The following SULF2 variants were observed in gnomAD, a reference collection of about 807,000 sequenced individuals.
SULF2 encodes the protein sulfatase 2, also known as extracellular sulfatase Sulf-2.
A neutral mutation model predicts 107.7 loss-of-function variants in SULF2; 52 were observed. That is an observed-to-expected ratio of 0.48 (90% CI 0.39 to 0.61). The LOEUF (loss-of-function observed/expected upper bound fraction) is 0.61. SULF2 is among the 20% of genes least tolerant of loss of function. SULF2 has a pLI of 0.00. For missense variants in SULF2, 993 were observed against 1,177.3 expected (o/e 0.84, Z 2.29); for synonymous variants, 460 against 464.3 (o/e 0.99, Z 0.12).
chr20:47,702,742 C>T (rs979588501), intron 3 of SULF2, 72 bp from the exon 4 acceptor site: 19 of 1,501,252 alleles, frequency 1.3e-5, no homozygotes, highest in East Asian at 4.6e-5. Context: ...ATTGTGTGTC[C>T]GAGGCCTGAG....
Position 47,659,429 on chromosome 20 carries a change from G to T in SULF2, c.2552C>A (p.Pro851Gln), listed in dbSNP as rs747395365. 1 of 1,614,064 alleles carries T rather than the reference G, an allele frequency of 6.2e-7. No individual in the cohort carries two copies. The highest frequency in any genetic ancestry group is 8.5e-7 in the Non-Finnish European group (1 of 1,179,982). Residue 851 changes from proline (P) to glutamine (Q), a missense_variant, in exon 20 of 21, where the codon CCA (proline) becomes CAA (glutamine). Physicochemically the swap from Pro to Gln is moderately conservative, Grantham distance 76. Transcript: ENST00000688720. ...QYRQFQRRKW[P>Q]EMKRPSSKSL... ...TTTGGAAGAAGGTCTCTTCATTTCT[G>T]GCCACTTTCGACGCTGAAACTGCCT...
chr20:47,701,553 C>T lies in SULF2; in HGVS notation c.567+966G>A, dbSNP rs561747050. ...ACTCCGAACATGCACACGCCCTGTG[C>T]TCAGCAACGCTGCTGTGAGGAACGG... On this transcript the variant is annotated intron_variant, in intron 4 of 20. Coordinates refer to ENST00000688720, the MANE Select transcript of SULF2 (RefSeq NM_001387048.1). Among the ~76,000 whole-genome samples the T allele has an allele frequency of 2.0e-5, 3 of 152,338 alleles. No individual in the cohort carries two copies. The East Asian group carries it at 5.8e-4, about 29-fold the overall frequency.
chr20:47,763,053 T>C (rs2090450107), intron 1 of SULF2, among the ~76,000 whole-genome samples: 1 of 152,002 alleles, frequency 6.6e-6, no homozygotes, highest in South Asian at 2.1e-4. Context: ...TTCCTTTTTC[T>C]TGGTAAAATA....
At chr20:47,724,914 G>A (rs2089397592) in intron 3 of SULF2, among the ~76,000 whole-genome samples, 3 of 152,084 alleles carry the variant, frequency 2.0e-5, no homozygotes, top group African/African-American at 7.2e-5. Context: ...GAAATTTATA[G>A]GTAACAAAAG....
At chr20:47,704,335 C>T (rs1208107093) in intron 3 of SULF2, among the ~76,000 whole-genome samples, 1 of 151,962 alleles carries the variant, frequency 6.6e-6, no homozygotes, top group Non-Finnish European at 1.5e-5. Context: ...TGTAGTGGCA[C>T]CATCACGGCT....
chr20:47,664,409 C>T (rs1036250191), intron 14 of SULF2, among the ~76,000 whole-genome samples: 2 of 152,224 alleles, frequency 1.3e-5, no homozygotes, highest in Non-Finnish European at 2.9e-5. Flanking sequence ...TCTGCCTGGA[C>T]TTTTGCTAGA....
intron 1 of SULF2, among the ~76,000 whole-genome samples, chr20:47,763,767 T>C (rs762849236): frequency 1.3e-5 from 2 of 152,188 alleles, no homozygotes; most frequent in African/African-American, 2.4e-5. Flanking sequence ...GAATCCTGCC[T>C]GGATTCCAAC....
At chr20:47,786,062 C>G (rs1173298225), upstream of SULF2, 1 of 152,218 alleles carries the variant, frequency 6.6e-6, no homozygotes, top group Admixed American at 6.5e-5. Flanking sequence ...CACACTCTCG[C>G]TCCTGCTCGC....
At chr20:47,748,561 G>A (rs908426437) in intron 2 of SULF2, among the ~76,000 whole-genome samples, 1 of 152,232 alleles carries the variant, frequency 6.6e-6, no homozygotes, top group Non-Finnish European at 1.5e-5. Context: ...CCAGGAGCCT[G>A]CCTGCCGCCT....
chr20:47,708,077 T>C (rs1329234774), intron 3 of SULF2, among the ~76,000 whole-genome samples: 1 of 152,198 alleles, frequency 6.6e-6, no homozygotes, highest in African/African-American at 2.4e-5. Flanking sequence ...ACCTACGGTA[T>C]GCAGGGAGCT....
intron 4 of SULF2, among the ~76,000 whole-genome samples, chr20:47,701,976 T>G (rs1299630919): frequency 1.3e-5 from 2 of 152,200 alleles, no homozygotes; most frequent in Non-Finnish European, 2.9e-5. Context: ...GTATGTACTT[T>G]CTGTAAGAAT....
chr20:47,683,214 C>A (rs1423698968), intron 6 of SULF2, 45 bp from the exon 7 acceptor site: 2 of 1,525,346 alleles, frequency 1.3e-6, no homozygotes, highest in Non-Finnish European at 1.8e-6. Context: ...GACTGGGTGC[C>A]TGGCCCGTCT....
At chr20:47,747,407 G>A (rs1054122983) in intron 2 of SULF2, among the ~76,000 whole-genome samples, 1 of 152,144 alleles carries the variant, frequency 6.6e-6, no homozygotes, top group African/African-American at 2.4e-5. Context: ...TCTGGTTGCA[G>A]AAGTTCCTGG....
At chr20:47,732,758 G>A (rs1197496742) in intron 3 of SULF2, among the ~76,000 whole-genome samples, 3 of 152,164 alleles carry the variant, frequency 2.0e-5, no homozygotes, top group East Asian at 1.9e-4. Context: ...CAGGAGAATC[G>A]CTTGAACCCG....
At chr20:47,730,737 T>G (rs1192969358) in intron 3 of SULF2, among the ~76,000 whole-genome samples, 1 of 152,212 alleles carries the variant, frequency 6.6e-6, no homozygotes, top group Admixed American at 6.5e-5. Flanking sequence ...CGTGAGCCAC[T>G]GTGCCCGGCC....
intron 14 of SULF2, 126 bp from the exon 15 acceptor site, chr20:47,664,315 G>T (rs753383927): frequency 1.2e-5 from 11 of 926,506 alleles, no homozygotes; most frequent in Non-Finnish European, 1.8e-5. Flanking sequence ...TCCTTCTGGG[G>T]TGGTGGTGGG....
chr20:47,783,646 C>G (rs1342189402), intron 1 of SULF2, among the ~76,000 whole-genome samples: 1 of 152,102 alleles, frequency 6.6e-6, no homozygotes, highest in Non-Finnish European at 1.5e-5. Context: ...ATAAAAAACC[C>G]AAGAAGTACA....
At chr20:47,735,626 T>G (rs1034082818) in intron 3 of SULF2, among the ~76,000 whole-genome samples, 1 of 152,206 alleles carries the variant, frequency 6.6e-6, no homozygotes, top group Admixed American at 6.5e-5. Flanking sequence ...TGGTTGATTC[T>G]GCATAATGGC....
chr20:47,760,413 T>G (rs1040668346), intron 1 of SULF2, among the ~76,000 whole-genome samples: 1 of 151,862 alleles, frequency 6.6e-6, no homozygotes, highest in South Asian at 2.1e-4. Context: ...AGCTCCTGCC[T>G]GGGGCCCCTC....
Sources: allele counts gnomAD v4.1 joint callset (sites outside exome capture counted in the v4.1 genomes callset), GRCh38; gene constraint gnomAD v4.1.1; transcripts MANE v1.5; gene names NCBI Gene and HGNC (gene_info 2026-07-23, HGNC 2026-07-21).